MOB3B: variants seen among roughly 807,000 people sequenced by gnomAD.
The protein encoded by MOB3B is MOB kinase activator-like 2B.
Under a neutral mutation model 18.7 loss-of-function variants are expected in MOB3B, and 7 were observed. That is an observed-to-expected ratio of 0.37 (90% confidence interval 0.21 to 0.70). MOB3B has a LOEUF of 0.70. Ranked by LOEUF, MOB3B falls within the 30% of genes least tolerant of loss-of-function variation. The pLI, the probability that MOB3B is intolerant of heterozygous loss-of-function variation, is 0.52. For missense variants in MOB3B, 253 were observed against 281.3 expected, an observed-to-expected ratio of 0.90 and a Z score of 0.72; for synonymous variants, 111 against 99.9, an observed-to-expected ratio of 1.11 and a Z score of -0.66.
At chr9:27,521,660 C>A (rs2131508124) in intron 1 of MOB3B, among the ~76,000 whole-genome samples, 1 of 152,106 alleles carries the variant, frequency 6.6e-6, no homozygotes, top group East Asian at 1.9e-4. Context: ...AAAGCCATGG[C>A]CCTCAGAGAG....
chr9:27,481,262 T>C (rs1819644605), intron 1 of MOB3B, among the ~76,000 whole-genome samples: 2 of 152,116 alleles, frequency 1.3e-5, no homozygotes, highest in Admixed American at 6.5e-5. Flanking sequence ...GACTAAAATA[T>C]ATCGGTACAG....
At chr9:27,418,469 A>G (rs1433274669) in intron 2 of MOB3B, among the ~76,000 whole-genome samples, 1 of 152,204 alleles carries the variant, frequency 6.6e-6, no homozygotes, top group Non-Finnish European at 1.5e-5. Context: ...CCAACAACAT[A>G]TCAAGAAGAT....
chr9:27,354,447 G>A (rs940858983), intron 3 of MOB3B, among the ~76,000 whole-genome samples: 4 of 152,178 alleles, frequency 2.6e-5, no homozygotes, highest in African/African-American at 4.8e-5. Context: ...TTGAGGCCTC[G>A]TCTTTCTCTG....
At chr9:27,376,202 C>T (rs1821487823) in intron 2 of MOB3B, among the ~76,000 whole-genome samples, 1 of 152,172 alleles carries the variant, frequency 6.6e-6, no homozygotes, top group Admixed American at 6.5e-5. Context: ...ACAGACTCAG[C>T]AATTATCAAG....
At chr9:27,476,085 T>G (rs564932567) in intron 1 of MOB3B, among the ~76,000 whole-genome samples, 80 of 152,324 alleles carry the variant, frequency 5.3e-4, no homozygotes, top group African/African-American at 1.9e-3. Context: ...TGGATACCTC[T>G]CCTTCCCCTA....
chr9:27,359,377 G>GT (rs1292653404), intron 2 of MOB3B, 141 bp from the exon 3 acceptor site: 53 of 494,500 alleles, frequency 1.1e-4, no homozygotes, highest in Non-Finnish European at 1.8e-4. Flanking sequence ...GTGTGTGTGT[G>GT]TGGGGGGGGG....
At chr9:27,378,546 G>A (rs779957409) in intron 2 of MOB3B, 32 of 470,970 alleles carry the variant, frequency 6.8e-5, no homozygotes, top group Non-Finnish European at 5.7e-5. Flanking sequence ...CTTGGCCAAA[G>A]GACCGTGAAG....
At chr9:27,431,030 C>G (rs962999276) in intron 2 of MOB3B, among the ~76,000 whole-genome samples, 19 of 151,988 alleles carry the variant, frequency 1.3e-4, no homozygotes, top group African/African-American at 4.6e-4. Context: ...AAAACAGGTT[C>G]CTCCACTTGT....
At chr9:27,439,262 A>G (rs1201443569) in intron 2 of MOB3B, among the ~76,000 whole-genome samples, 2 of 152,176 alleles carry the variant, frequency 1.3e-5, no homozygotes, top group Admixed American at 1.3e-4. Flanking sequence ...AATGTTACAG[A>G]CATTGAATTA....
At chr9:27,526,344 T>C (rs950723519) in intron 1 of MOB3B, 6 of 152,238 alleles carry the variant, frequency 3.9e-5, no homozygotes, top group African/African-American at 1.4e-4. Context: ...GCAAACCATT[T>C]AGTAAAAATA....
At chr9:27,468,954 C>T (rs113660904) in intron 1 of MOB3B, among the ~76,000 whole-genome samples, 3,035 of 152,300 alleles carry the variant, frequency 0.02, 77 homozygotes, top group South Asian at 0.054. Context: ...AAGTCAGCTC[C>T]TTTGGAAGCA....
intron 2 of MOB3B, among the ~76,000 whole-genome samples, chr9:27,409,993 G>T (rs1822039895): frequency 1.3e-5 from 2 of 152,034 alleles, no homozygotes; most frequent in South Asian, 4.1e-4. Context: ...AAAAAGTTCT[G>T]GAAATGGATA....
chr9:27,392,085 C>G (rs1821735233), intron 2 of MOB3B, among the ~76,000 whole-genome samples: 1 of 152,120 alleles, frequency 6.6e-6, no homozygotes, highest in Non-Finnish European at 1.5e-5. Flanking sequence ...ATCAGAATCC[C>G]CTCAGAGGCT....
At chr9:27,392,262 C>A (rs1275509321) in intron 2 of MOB3B, among the ~76,000 whole-genome samples, 1 of 152,158 alleles carries the variant, frequency 6.6e-6, no homozygotes, top group Non-Finnish European at 1.5e-5. Context: ...TATGTGGGAA[C>A]AGGTAATTCT....
intron 3 of MOB3B, 47 bp downstream of exon 3, chr9:27,358,987 G>A (rs780591279): frequency 6.3e-6 from 10 of 1,585,112 alleles, no homozygotes; most frequent in East Asian, 2.2e-5. Flanking sequence ...ACAAATGGCC[G>A]AGCTCCTGGG....
chr9:27,467,052 C>T (rs1819395043), intron 1 of MOB3B, among the ~76,000 whole-genome samples: 1 of 152,042 alleles, frequency 6.6e-6, no homozygotes, highest in Non-Finnish European at 1.5e-5. Flanking sequence ...AGCAGGTAAC[C>T]CTGAGATAAA....
At position 27,477,296 on chromosome 9, in the gene MOB3B, A is replaced by G. The variant is rs148266580; in HGVS notation, c.-198-21548T>C. Among the ~76,000 whole-genome samples, 122 of 152,316 alleles carry G rather than the reference A, an allele frequency of 8.0e-4. 2 individuals carry two copies. Among genetic ancestry groups the G allele is most frequent in the African/African-American group, 2.8e-3 (115 of 41,570 alleles). On this transcript the variant is annotated intron_variant, in intron 1 of 3. Coordinates refer to ENST00000262244, the MANE Select transcript of MOB3B (RefSeq NM_024761.5). ...TGGAGAAAACGGACTCACACCCCAG[A>G]TACCAGCATGATTCTTCATTACTGC...
chr9:27,370,015 C>G (rs1307083257), intron 2 of MOB3B, among the ~76,000 whole-genome samples: 4 of 150,474 alleles, frequency 2.7e-5, no homozygotes, highest in African/African-American at 9.8e-5. Flanking sequence ...ATAGTCATAG[C>G]CCTGGCATCG....
chr9:27,522,129 C>A (rs1820341918), intron 1 of MOB3B, among the ~76,000 whole-genome samples: 1 of 149,784 alleles, frequency 6.7e-6, no homozygotes. Flanking sequence ...GTAATCCCAG[C>A]TACTTGTGAG....
Sources: allele counts gnomAD v4.1 joint callset (sites outside exome capture counted in the v4.1 genomes callset), GRCh38; gene constraint gnomAD v4.1.1; transcripts MANE v1.5; gene names NCBI Gene and HGNC (gene_info 2026-07-23, HGNC 2026-07-21).